Variants in CEP76 observed in about 807,000 individuals in gnomAD.
CEP76 encodes the protein centrosomal protein 76, also known as centrosomal protein of 76 kDa.
In CEP76, 55 loss-of-function variants were observed where a neutral mutation model predicts 83.3. The ratio of observed to expected loss-of-function variants is 0.66; its 90% confidence interval spans 0.53 to 0.83. The LOEUF (loss-of-function observed/expected upper bound fraction) is 0.83. CEP76 is among the 40% of genes least tolerant of loss of function. CEP76 has a pLI of 0.00. For synonymous variants in CEP76, 270 were observed against 274.5 expected (o/e 0.98, Z 0.16); for missense variants, 694 against 799.5 (o/e 0.87, Z 1.59).
At position 12,698,802 on chromosome 18, in the gene CEP76, C is replaced by T. The variant is rs188574260; in HGVS notation, c.520+177G>A. Reference sequence around the variant, plus strand: ...AATAATATCCAGGGAAAATGAATAGCAAACAGAATATTGCAAGAAGGTGGA... The same window carrying T: ...AATAATATCCAGGGAAAATGAATAGTAAACAGAATATTGCAAGAAGGTGGA... On this transcript the variant is annotated intron_variant, in intron 4 of 11. Transcript: ENST00000262127. The T allele has an allele frequency of 2.4e-5, 14 of 583,234 alleles. No homozygotes were observed. The Admixed American group carries it at 4.5e-4, about 19-fold the overall frequency. The allele number at this position is 583,234 out of a possible 1,614,324, so 36.1% of individuals were successfully genotyped here.
At chr18:12,664,078 C>T (rs546101508) in intron 12 of CEP76, among the ~76,000 whole-genome samples, 16 of 151,960 alleles carry the variant, frequency 1.1e-4, no homozygotes, top group Non-Finnish European at 1.8e-4. Context: ...GCAAGAGAAT[C>T]GCTTGAACCC....
chr18:12,674,711 G>C lies in CEP76; in HGVS notation c.1666C>G (p.Leu556Val), dbSNP rs1245343486. 6.2e-7 allele frequency: 1 copy of C among 1,614,006 alleles called. No individual in the cohort carries two copies. The highest frequency in any genetic ancestry group is 1.1e-5 in the South Asian group (1 of 91,072). The change falls in exon 11 of 12, where the codon CTT (leucine) becomes GTT (valine). Residue 556 changes from leucine (L) to valine (V), a missense_variant. Physicochemically the swap from Leu to Val is conservative, Grantham distance 32. Coordinates refer to ENST00000262127, the MANE Select transcript of CEP76 (RefSeq NM_024899.4). ...TTVWEDQLSYLLSPALASYEF... is the reference protein window; with the variant it reads ...TTVWEDQLSYVLSPALASYEF... ...TAAGAAGCCAAAGCTGGTGATAAAA[G>C]GTAGGAGAGCTGGTCTTCCCAAACA...
At chr18:12,702,766 C>A (rs1468426725), upstream of CEP76, 1 of 585,642 alleles carries the variant, frequency 1.7e-6, no homozygotes, top group African/African-American at 2.0e-5. Flanking sequence ...CAAACAGTGG[C>A]GGACAAACAG....
At chr18:12,665,618 C>A (rs1297287584) in intron 12 of CEP76, among the ~76,000 whole-genome samples, 1 of 152,172 alleles carries the variant, frequency 6.6e-6, no homozygotes, top group Non-Finnish European at 1.5e-5. Context: ...ATTATTGACA[C>A]TGAAATTCAT....
At chr18:12,667,521 G>C (rs553751210) in intron 12 of CEP76, among the ~76,000 whole-genome samples, 1 of 152,184 alleles carries the variant, frequency 6.6e-6, no homozygotes, top group South Asian at 2.1e-4. Context: ...CAGCACTTTG[G>C]GAGGCCAAGG....
intron 8 of CEP76, chr18:12,685,984 A>C (rs12957810): frequency 1.2e-5 from 3 of 252,618 alleles, no homozygotes; most frequent in East Asian, 9.7e-5. Flanking sequence ...ATATACTTTA[A>C]ATCACCTCTA....
intron 12 of CEP76, among the ~76,000 whole-genome samples, chr18:12,666,959 A>G (rs1344835260): frequency 6.6e-6 from 1 of 152,116 alleles, no homozygotes; most frequent in Non-Finnish European, 1.5e-5. Context: ...AATTCCATAT[A>G]TTACTGAAAT....
At chr18:12,691,965 C>T (rs554855299) in intron 6 of CEP76, among the ~76,000 whole-genome samples, 6 of 152,180 alleles carry the variant, frequency 3.9e-5, no homozygotes, top group Middle Eastern at 3.4e-3. Flanking sequence ...ATGATCCGCC[C>T]GCCTTGGCCT....
At chr18:12,699,423 C>A (rs2040074371) in intron 3 of CEP76, among the ~76,000 whole-genome samples, 1 of 152,156 alleles carries the variant, frequency 6.6e-6, no homozygotes, top group Non-Finnish European at 1.5e-5. Flanking sequence ...TACATCCAGG[C>A]TACTTTCTCC....
chr18:12,673,314 TG>T lies in CEP76; in HGVS notation c.*50del, dbSNP rs1290599399. 3 of 1,561,026 alleles carry T rather than the reference TG, an allele frequency of 1.9e-6. 1 individual carries two copies. The South Asian group carries it at 3.6e-5, about 19-fold the overall frequency. ...CTCTAAATAGCTAAGTAATGTACAATGTGTAAAATTCCAATTAAACACAGGT... is the reference window on the plus strand; with the variant it reads ...CTCTAAATAGCTAAGTAATGTACAATTGTAAAATTCCAATTAAACACAGGT... On this transcript the variant is annotated 3_prime_UTR_variant, in exon 12 of 12. Transcript: ENST00000262127.
At chr18:12,692,923 A>G (rs1458502701) in intron 6 of CEP76, among the ~76,000 whole-genome samples, 1 of 152,202 alleles carries the variant, frequency 6.6e-6, no homozygotes, top group African/African-American at 2.4e-5. Context: ...CCTGGGCTTA[A>G]GCGATCCTCC....
chr18:12,677,491 T>G (rs917987270), intron 10 of CEP76, among the ~76,000 whole-genome samples: 1 of 146,620 alleles, frequency 6.8e-6, no homozygotes, highest in Non-Finnish European at 1.5e-5. Context: ...AAAAGAGGTT[T>G]GATCTCAAAA....
At chr18:12,692,673 T>G (rs976252589) in intron 6 of CEP76, among the ~76,000 whole-genome samples, 3 of 152,352 alleles carry the variant, frequency 2.0e-5, no homozygotes, top group Admixed American at 6.5e-5. Context: ...TTATTTTGTT[T>G]GCTGACTTAT....
chr18:12,677,621 A>AT (rs1334809221), intron 10 of CEP76, among the ~76,000 whole-genome samples: 1 of 151,984 alleles, frequency 6.6e-6, no homozygotes, highest in African/African-American at 2.4e-5. Flanking sequence ...CAGTATACAT[A>AT]TTTTTTCTTT....
chr18:12,668,587 G>A (rs2038853001), downstream of CEP76, among the ~76,000 whole-genome samples: 1 of 64,944 alleles, frequency 1.5e-5, no homozygotes, highest in Non-Finnish European at 2.7e-5. Flanking sequence ...GACAGAGTAA[G>A]ATTCCATCTC....
At position 12,666,503 on chromosome 18, in the gene CEP76, A is replaced by G. The variant is rs116882881; in HGVS notation, c.*1728-4334T>C. Among the ~76,000 whole-genome samples, 180 of 148,034 alleles carry G rather than the reference A, an allele frequency of 1.2e-3. 1 individual carries two copies. The highest frequency in any genetic ancestry group is 2.1e-3 in the Non-Finnish European group (140 of 67,484). On this transcript the variant is annotated intron_variant and NMD_transcript_variant, in intron 12 of 12. Transcript: ENST00000590143. ...TGCCCAGGCTGGAGTGCATTGTGCA[A>G]TCATGGCTCACTGAAGCCTCCTAAC...
chr18:12,698,307 C>T (rs2040032133), intron 4 of CEP76, among the ~76,000 whole-genome samples: 1 of 152,014 alleles, frequency 6.6e-6, no homozygotes. Context: ...CGGCTCATTA[C>T]ACGCGCCTGC....
intron 12 of CEP76, among the ~76,000 whole-genome samples, chr18:12,664,112 CCGAGA>C (rs2038755696): frequency 2.0e-5 from 3 of 152,004 alleles, no homozygotes; most frequent in Admixed American, 1.3e-4. Context: ...TTGCGGTGAG[CCGAGA>C]TCGTGCCATT....
chr18:12,671,642 C>CTTTTTTTT (rs869130220), downstream of CEP76, among the ~76,000 whole-genome samples: 6 of 55,544 alleles, frequency 1.1e-4, no homozygotes, highest in South Asian at 5.5e-4. Context: ...TTCACACTTT[C>CTTTTTTTT]TTTTTTTTTT....
Sources: allele counts gnomAD v4.1 joint callset (sites outside exome capture counted in the v4.1 genomes callset), GRCh38; gene constraint gnomAD v4.1.1; transcripts MANE v1.5; gene names NCBI Gene and HGNC (gene_info 2026-07-23, HGNC 2026-07-21).